Variants in NEBL observed in about 807,000 individuals in gnomAD.
The protein encoded by NEBL is nebulette.
A neutral mutation model predicts 140.2 loss-of-function variants in NEBL; 122 were observed. That is an observed-to-expected ratio of 0.87 (90% CI 0.75 to 1.01). NEBL has a LOEUF of 1.01. Among genes scored for constraint, NEBL ranks in the 50% least tolerant of loss-of-function variants. The probability of loss-of-function intolerance (pLI) is 0.00; values close to 1 mark genes in which losing one functional copy is unlikely to be tolerated. For synonymous variants in NEBL, 436 were observed against 398.9 expected (o/e 1.09, Z -1.11); for missense variants, 1,365 against 1,231.3 (o/e 1.11, Z -1.62).
At chr10:20,861,201 A>G (rs1843663791) in intron 7 of NEBL, among the ~76,000 whole-genome samples, 1 of 152,154 alleles carries the variant, frequency 6.6e-6, no homozygotes, top group Non-Finnish European at 1.5e-5. Context: ...ATATAGTCTT[A>G]GAGTCTCACT....
chr10:20,825,851 C>T (rs2038914), intron 18 of NEBL, among the ~76,000 whole-genome samples: 70,837 of 151,936 alleles, frequency 0.47, 17,706 homozygotes, highest in East Asian at 0.65. Flanking sequence ...CTAAAGGTTA[C>T]TGGAAGCTAA....
chr10:20,897,244 C>A lies in NEBL; in HGVS notation c.-39G>T. ...AATATTTATATTTTTAAAATTTACTCATGTGGCGTCCTTTTCCATACCACA... is the reference window on the plus strand; with the variant it reads ...AATATTTATATTTTTAAAATTTACTAATGTGGCGTCCTTTTCCATACCACA... On this transcript the variant is annotated 5_prime_UTR_variant, in exon 1 of 28. An upstream start codon of the reference 5' UTR is lost. Coordinates refer to ENST00000377122, the MANE Select transcript of NEBL (RefSeq NM_006393.3). The A allele has an allele frequency of 3.9e-6, 6 of 1,535,614 alleles. No individual in the cohort carries two copies. The highest frequency in any genetic ancestry group is 5.2e-6 in the Non-Finnish European group (6 of 1,144,202).
intron 1 of NEBL, among the ~76,000 whole-genome samples, chr10:21,254,007 A>G (rs185504057): frequency 4.3e-4 from 65 of 152,342 alleles, no homozygotes. Flanking sequence ...AAAATGTACA[A>G]TAGTTGAAAT....
intron 1 of NEBL, among the ~76,000 whole-genome samples, chr10:21,256,862 T>G (rs957450145): frequency 6.6e-6 from 1 of 152,188 alleles, no homozygotes; most frequent in African/African-American, 2.4e-5. Flanking sequence ...GTACTCAAAC[T>G]TACTCTTCCT....
chr10:20,893,935 C>T (rs1301650173), intron 2 of NEBL, among the ~76,000 whole-genome samples: 1 of 152,204 alleles, frequency 6.6e-6, no homozygotes, highest in Non-Finnish European at 1.5e-5. Context: ...GCTGATCTAA[C>T]AGCTTTCTGC....
chr10:21,061,164 A>G (rs1453152018), intron 2 of NEBL, among the ~76,000 whole-genome samples: 1 of 151,160 alleles, frequency 6.6e-6, no homozygotes, highest in Non-Finnish European at 1.5e-5. Context: ...ACATGTTCTT[A>G]TATGTATTAT....
At chr10:20,791,563 T>A (rs1289576289) in intron 26 of NEBL, among the ~76,000 whole-genome samples, 4 of 146,532 alleles carry the variant, frequency 2.7e-5, no homozygotes, top group Non-Finnish European at 4.5e-5. Flanking sequence ...GCCCAGCTGA[T>A]TTTTTTTTTT....
At chr10:21,050,227 C>A (rs1376761980) in intron 2 of NEBL, among the ~76,000 whole-genome samples, 1 of 152,176 alleles carries the variant, frequency 6.6e-6, no homozygotes, top group Non-Finnish European at 1.5e-5. Flanking sequence ...TTCTTACTTT[C>A]TGATTTTACT....
intron 1 of NEBL, among the ~76,000 whole-genome samples, chr10:21,288,202 G>A (rs1237509058): frequency 1.3e-5 from 2 of 152,232 alleles, no homozygotes; most frequent in Admixed American, 6.5e-5. Context: ...GGGCATGGTG[G>A]CTAACACCTG....
At chr10:20,830,644 T>C (rs577763436) in intron 16 of NEBL, among the ~76,000 whole-genome samples, 1 of 152,162 alleles carries the variant, frequency 6.6e-6, no homozygotes, top group South Asian at 2.1e-4. Context: ...AATATTAATA[T>C]TCATTATGAA....
chr10:21,164,343 A>C lies in NEBL; in HGVS notation c.164+8040T>G, dbSNP rs116798162. Among the ~76,000 whole-genome samples, 1,406 of 152,280 alleles carry C rather than the reference A, an allele frequency of 9.2e-3. 20 individuals are homozygous for C. The highest frequency in any genetic ancestry group is 0.032 in the African/African-American group (1,328 of 41,556). ...GAGGACAAGGGTGTCATGCATGGCTATGTCTGTATCTCTCTTACTCCCTGA... is the reference window on the plus strand; with the variant it reads ...GAGGACAAGGGTGTCATGCATGGCTCTGTCTGTATCTCTCTTACTCCCTGA... On this transcript the variant is annotated intron_variant, in intron 2 of 6. Coordinates refer to the NEBL transcript ENST00000417816.
intron 3 of NEBL, among the ~76,000 whole-genome samples, chr10:21,230,606 T>TC (rs769628152): frequency 0.042 from 5,824 of 139,970 alleles, 153 homozygotes; most frequent in South Asian, 0.14. Flanking sequence ...CTGGAAACCT[T>TC]TTTTTTTTTT....
chr10:21,104,577 T>C (rs935052752), intron 2 of NEBL, among the ~76,000 whole-genome samples: 2 of 152,236 alleles, frequency 1.3e-5, no homozygotes, highest in African/African-American at 2.4e-5. Flanking sequence ...TATTGGCTTA[T>C]ATACTGCATT....
chr10:20,989,448 G>A (rs551381040), intron 3 of NEBL, among the ~76,000 whole-genome samples: 9 of 152,160 alleles, frequency 5.9e-5, no homozygotes, highest in Non-Finnish European at 8.8e-5. Flanking sequence ...TCTTCAAATC[G>A]ATATATAGCT....
At position 21,204,550 on chromosome 10, in the gene NEBL, C is replaced by T. The variant is rs551058131; in HGVS notation, n.349-32073G>A. 1.5e-4 allele frequency among the ~76,000 whole-genome samples: 23 copies of T among 152,228 alleles called. No homozygotes were observed. In the South Asian group the frequency reaches 3.1e-3, roughly 21 times the overall value. On this transcript the variant is annotated intron_variant and non_coding_transcript_variant, in intron 3 of 8. Coordinates refer to the NEBL transcript ENST00000675702. ...AAAAGAGCCCTCACCAGAAACTATACGGGCCAGAACTTTGATGTTGGACTT... is the reference window on the plus strand; with the variant it reads ...AAAAGAGCCCTCACCAGAAACTATATGGGCCAGAACTTTGATGTTGGACTT...
intron 3 of NEBL, among the ~76,000 whole-genome samples, chr10:21,005,418 T>C (rs1162408745): frequency 2.0e-5 from 3 of 152,134 alleles, no homozygotes; most frequent in Non-Finnish European, 4.4e-5. Context: ...AAATTTAAAA[T>C]GTACATAAGC....
chr10:20,949,535 T>A (rs972688159), intron 4 of NEBL, among the ~76,000 whole-genome samples: 2 of 152,000 alleles, frequency 1.3e-5, no homozygotes, highest in African/African-American at 4.8e-5. Context: ...ACGGCCAGAG[T>A]TTCACTTTCA....
At chr10:20,843,952 T>C (rs1026018315) in intron 12 of NEBL, among the ~76,000 whole-genome samples, 2 of 152,018 alleles carry the variant, frequency 1.3e-5, no homozygotes, top group Non-Finnish European at 2.9e-5. Context: ...AACCAACCTC[T>C]CCCCATCCTC....
intron 26 of NEBL, among the ~76,000 whole-genome samples, chr10:20,805,830 G>A (rs1174392788): frequency 2.0e-5 from 3 of 150,128 alleles, no homozygotes; most frequent in Non-Finnish European, 2.9e-5. Flanking sequence ...TCCAGGCTGA[G>A]TGACACAGCG....
Sources: allele counts gnomAD v4.1 joint callset (sites outside exome capture counted in the v4.1 genomes callset), GRCh38; gene constraint gnomAD v4.1.1; transcripts MANE v1.5; gene names NCBI Gene and HGNC (gene_info 2026-07-23, HGNC 2026-07-21).